Variants in EPHB1 observed in about 807,000 individuals in gnomAD.
EPHB1 encodes the protein EPH receptor B1, also known as ephrin type-B receptor 1.
A neutral mutation model predicts 94.4 loss-of-function variants in EPHB1; 30 were observed. That is an observed-to-expected ratio of 0.32 (90% confidence interval 0.24 to 0.43). EPHB1 has a LOEUF of 0.43. EPHB1 is among the 20% of genes least tolerant of loss of function. The probability of loss-of-function intolerance (pLI) is 1.00; values close to 1 mark genes in which losing one functional copy is unlikely to be tolerated. For synonymous variants in EPHB1, 522 were observed against 489.1 expected, an observed-to-expected ratio of 1.07 and a Z score of -0.89; for missense variants, 1,055 against 1,308.3, an observed-to-expected ratio of 0.81 and a Z score of 2.99.
chr3:135,045,933 G>A (rs942890306), intron 3 of EPHB1, among the ~76,000 whole-genome samples: 5 of 152,180 alleles, frequency 3.3e-5, no homozygotes, highest in Non-Finnish European at 7.3e-5. Context: ...CCAATTATCT[G>A]AAAGAGCTAT....
intron 3 of EPHB1, among the ~76,000 whole-genome samples, chr3:135,061,374 C>CCG (rs368127146): frequency 7.1e-5 from 9 of 126,414 alleles, no homozygotes; most frequent in African/African-American, 1.0e-4. Context: ...GACCACCCCC[C>CCG]CCGACCCAAG....
chr3:135,235,084 A>G (rs1226431573), intron 12 of EPHB1, among the ~76,000 whole-genome samples: 1 of 152,072 alleles, frequency 6.6e-6, no homozygotes, highest in Non-Finnish European at 1.5e-5. Context: ...GGAAAGTTTT[A>G]TTTTTTGTTA....
intron 3 of EPHB1, among the ~76,000 whole-genome samples, chr3:135,038,833 G>A (rs1323074560): frequency 3.3e-5 from 5 of 150,348 alleles, no homozygotes; most frequent in African/African-American, 1.2e-4. Context: ...CTTCCACAGT[G>A]TGGAAGGGGA....
chr3:134,926,254 A>G (rs2038789263), intron 2 of EPHB1, among the ~76,000 whole-genome samples: 1 of 152,250 alleles, frequency 6.6e-6, no homozygotes, highest in Admixed American at 6.5e-5. Context: ...AGAATGGCTA[A>G]GCTCTCTTTC....
intron 3 of EPHB1, among the ~76,000 whole-genome samples, chr3:135,101,488 C>G (rs1266488781): frequency 2.0e-5 from 3 of 152,162 alleles, no homozygotes; most frequent in Admixed American, 2.0e-4. Flanking sequence ...ATTCTCCTGC[C>G]TCAGCATCCT....
chr3:135,201,361 T>C, intron 11 of EPHB1, 113 bp from the exon 12 acceptor site: 3 of 990,666 alleles, frequency 3.0e-6, no homozygotes, highest in Non-Finnish European at 4.7e-6. Context: ...ACACAGTGAG[T>C]GGCTTGGCCT....
intron 3 of EPHB1, among the ~76,000 whole-genome samples, chr3:135,023,194 T>G (rs1364421199): frequency 6.6e-6 from 1 of 152,210 alleles, no homozygotes; most frequent in Non-Finnish European, 1.5e-5. Context: ...TATTAAGTTG[T>G]TTCTGTGTGT....
At chr3:135,088,371 A>G (rs1249391145) in intron 3 of EPHB1, among the ~76,000 whole-genome samples, 1 of 152,226 alleles carries the variant, frequency 6.6e-6, no homozygotes, top group Admixed American at 6.5e-5. Context: ...GTGAAATGGA[A>G]ATGCTACTAT....
At chr3:135,174,279 C>G (rs1941910850) in intron 9 of EPHB1, among the ~76,000 whole-genome samples, 1 of 152,140 alleles carries the variant, frequency 6.6e-6, no homozygotes, top group Admixed American at 6.5e-5. Context: ...TCCCATGCTT[C>G]TGACTATCAC....
intron 3 of EPHB1, among the ~76,000 whole-genome samples, chr3:135,094,719 C>T (rs568561420): frequency 6.6e-5 from 10 of 152,326 alleles, no homozygotes; most frequent in East Asian, 5.8e-4. Flanking sequence ...GCTGCAGCAT[C>T]GTACCTTTCC....
chr3:134,946,226 C>G (rs149328969), intron 2 of EPHB1, among the ~76,000 whole-genome samples: 1 of 152,218 alleles, frequency 6.6e-6, no homozygotes, highest in Non-Finnish European at 1.5e-5. Context: ...CTCTGTAGTG[C>G]GTCAGAGAGA....
intron 1 of EPHB1, among the ~76,000 whole-genome samples, chr3:134,847,573 GT>G (rs1475825776): frequency 6.6e-6 from 1 of 152,200 alleles, no homozygotes; most frequent in African/African-American, 2.4e-5. Context: ...AATCAGCCTT[GT>G]TTGAAGACCA....
intron 3 of EPHB1, among the ~76,000 whole-genome samples, chr3:135,091,070 C>T (rs1290381942): frequency 6.6e-6 from 1 of 152,184 alleles, no homozygotes; most frequent in African/African-American, 2.4e-5. Context: ...AGATGCAGCA[C>T]CTCTTAGCTA....
intron 1 of EPHB1, among the ~76,000 whole-genome samples, chr3:134,800,551 A>G (rs1288197755): frequency 6.6e-6 from 1 of 152,162 alleles, no homozygotes; most frequent in African/African-American, 2.4e-5. Context: ...GCAGGTTTGG[A>G]TGGATCCTAA....
chr3:135,207,343 A>G (rs116400774), intron 12 of EPHB1, among the ~76,000 whole-genome samples: 1 of 152,350 alleles, frequency 6.6e-6, no homozygotes, highest in African/African-American at 2.4e-5. Flanking sequence ...AGAAAAAATT[A>G]TTTTTGATTA....
At chr3:134,894,497 T>C (rs2038049022) in intron 1 of EPHB1, among the ~76,000 whole-genome samples, 1 of 152,234 alleles carries the variant, frequency 6.6e-6, no homozygotes, top group Admixed American at 6.5e-5. Context: ...CGTGTGCCCA[T>C]TTCTTCTCTG....
intron 13 of EPHB1, among the ~76,000 whole-genome samples, chr3:135,241,843 A>G (rs1042954415): frequency 2.0e-5 from 3 of 152,182 alleles, no homozygotes; most frequent in South Asian, 2.1e-4. Flanking sequence ...CTATGATCCC[A>G]TATCACCTAT....
chr3:135,051,734 G>A (rs563142827), intron 3 of EPHB1, among the ~76,000 whole-genome samples: 1 of 152,264 alleles, frequency 6.6e-6, no homozygotes, highest in East Asian at 1.9e-4. Flanking sequence ...CTTTGTACAG[G>A]ACAATCAATT....
At chr3:134,918,702 T>C (rs1001236731) in intron 1 of EPHB1, among the ~76,000 whole-genome samples, 40 of 152,212 alleles carry the variant, frequency 2.6e-4, no homozygotes, top group African/African-American at 9.6e-4. Context: ...CACTGCTACA[T>C]TGTCTTCATA....
Sources: allele counts gnomAD v4.1 joint callset (sites outside exome capture counted in the v4.1 genomes callset), GRCh38; gene constraint gnomAD v4.1.1; transcripts MANE v1.5; gene names NCBI Gene and HGNC (gene_info 2026-07-23, HGNC 2026-07-21).